KLHL13: variants seen among roughly 807,000 people sequenced by gnomAD.
The protein encoded by KLHL13 is kelch like family member 13.
KLHL13 carries 10 observed loss-of-function variants against 37.1 expected under a neutral mutation model. The ratio of observed to expected loss-of-function variants is 0.27; its 90% CI spans 0.17 to 0.46. The LOEUF (loss-of-function observed/expected upper bound fraction) is 0.46, where lower values mean the gene tolerates loss of function less well. Ranked by LOEUF, KLHL13 falls within the 20% of genes least tolerant of loss-of-function variation. KLHL13 has a pLI of 1.00. For missense variants in KLHL13, 360 were observed against 509.3 expected (o/e 0.71, Z 2.82); for synonymous variants, 163 against 181.2 (o/e 0.90, Z 0.81).
Position 117,909,685 on chromosome X carries a change from T to TA in KLHL13, c.981dup (p.Met328TyrfsTer9). 1 of 1,211,949 alleles carries TA rather than the reference T, an allele frequency of 8.3e-7. No homozygotes were observed. The highest frequency in any genetic ancestry group is 1.8e-5 in the South Asian group (1 of 57,001). ...CTAATGGCAGTCCTGTCTGACTGCA[T>TA]AACTGGCTGCATATATGGCATCATT... On this transcript the variant is annotated frameshift_variant, in exon 5 of 7. Transcript: ENST00000262820. LOFTEE classifies it high-confidence loss of function.
In KLHL13 at chrX:118,058,470, C is replaced by A. The variant is rs140398990; in HGVS notation, c.-56+58038G>T. Among the ~76,000 whole-genome samples the A allele has an allele frequency of 8.1e-3, 903 of 111,564 alleles. 14 individuals are homozygous for A. Among genetic ancestry groups the A allele is most frequent in the African/African-American group, 0.027 (832 of 30,726 alleles). On this transcript the variant is annotated intron_variant, in intron 1 of 6. Transcript: ENST00000371882. ...CTTTCATAGTTCTCCACTCTTAAATCCATGGCTAGCGTCTTGATCTTTCAA... is the reference window on the plus strand; with the variant it reads ...CTTTCATAGTTCTCCACTCTTAAATACATGGCTAGCGTCTTGATCTTTCAA...
intron 1 of KLHL13, among the ~76,000 whole-genome samples, chrX:118,011,865 G>C (rs1484415846): frequency 8.9e-6 from 1 of 112,490 alleles, no homozygotes; most frequent in Non-Finnish European, 1.9e-5. Flanking sequence ...TTTCAGTGCA[G>C]TGGGATTATA....
rs771854232 is a variant in KLHL13 at position 117,952,330 on chromosome X, C to T, written c.99-6755G>A. Among the ~76,000 whole-genome samples, 34 of 110,816 alleles carry T rather than the reference C, an allele frequency of 3.1e-4. No homozygotes were observed. The East Asian group carries it at 8.5e-3, about 28-fold the overall frequency. ...AGGATTCCCTATTTAATAAATGGTG[C>T]TGGGAAAACTGGCTAGCCATATGGA... On this transcript the variant is annotated intron_variant, in intron 1 of 6. Coordinates refer to ENST00000262820, the Ensembl canonical transcript of KLHL13.
chrX:118,065,572 G>A (rs1250857303), intron 1 of KLHL13, among the ~76,000 whole-genome samples: 1 of 111,704 alleles, frequency 9.0e-6, no homozygotes, highest in African/African-American at 3.3e-5. Context: ...CATATGCACA[G>A]AGAAATCAGA....
At chrX:118,105,290 T>C (rs950299763) in intron 1 of KLHL13, among the ~76,000 whole-genome samples, 2 of 112,536 alleles carry the variant, frequency 1.8e-5, no homozygotes, top group Non-Finnish European at 3.7e-5. Flanking sequence ...TGTTATATAA[T>C]GGCCTCTGTC....
At chrX:118,028,334 G>A (rs2054296481) in intron 1 of KLHL13, 90 bp downstream of exon 2, 1 of 544,425 alleles carries the variant, frequency 1.8e-6, no homozygotes, top group African/African-American at 2.3e-5. Context: ...TTTATACCAA[G>A]TATTCAACAA....
chrX:118,109,226 TTTAGACCA>T lies in KLHL13; in HGVS notation c.-56+7274_-56+7281del, dbSNP rs745576475. Among the ~76,000 whole-genome samples, 146 of 112,158 alleles carry T rather than the reference TTTAGACCA, an allele frequency of 1.3e-3. 1 individual carries two copies. The highest frequency in any genetic ancestry group is 4.7e-3 in the African/African-American group (144 of 30,901). On this transcript the variant is annotated intron_variant, in intron 1 of 6. Coordinates refer to the KLHL13 transcript ENST00000371882. ...TGTAAGAACTCAACACATGTTTAGATTTAGACCATTAGACCAAGGGTAACCAACATGTA... is the reference window on the plus strand; with the variant it reads ...TGTAAGAACTCAACACATGTTTAGATTTAGACCAAGGGTAACCAACATGTA...
At chrX:118,053,802 A>AGAGAGAGAGAGAGGAGAG (rs1569304196) in intron 1 of KLHL13, among the ~76,000 whole-genome samples, 17 of 53,630 alleles carry the variant, frequency 3.2e-4, no homozygotes, top group African/African-American at 1.5e-3. Flanking sequence ...TGTGTGTGAG[A>AGAGAGAGAGAGAGGAGAG]GAGAGAGAGA....
intron 1 of KLHL13, among the ~76,000 whole-genome samples, chrX:118,019,880 G>T (rs1369420272): frequency 1.9e-5 from 2 of 103,964 alleles, no homozygotes; most frequent in Admixed American, 2.0e-4. Flanking sequence ...GTACCATGCT[G>T]TTTTGGTTAC....
chrX:118,097,410 C>A lies in KLHL13; in HGVS notation c.-56+19098G>T, dbSNP rs745379373. Among the ~76,000 whole-genome samples, 131 of 111,296 alleles carry A rather than the reference C, an allele frequency of 1.2e-3. 1 individual carries two copies. The highest frequency in any genetic ancestry group is 3.1e-3 in the African/African-American group (93 of 30,383). On this transcript the variant is annotated intron_variant, in intron 1 of 6. Transcript: ENST00000371882. ...CCTCTTCAAGGAGAACTACAAACCA[C>A]TGCTCAAGCAAATAAAAGAGGATAC...
intron 1 of KLHL13, among the ~76,000 whole-genome samples, chrX:118,034,417 A>G (rs1243023465): frequency 2.1e-5 from 2 of 94,501 alleles, no homozygotes; most frequent in Non-Finnish European, 4.1e-5. Flanking sequence ...CAATCAAACT[A>G]GAACTCAGGA....
At chrX:118,106,736 T>C (rs1338387829) in intron 1 of KLHL13, among the ~76,000 whole-genome samples, 2 of 111,915 alleles carry the variant, frequency 1.8e-5, no homozygotes, top group Non-Finnish European at 3.8e-5. Flanking sequence ...AAGGGCATCA[T>C]GTAAGAAAGT....
chrX:118,028,489 G>A (rs1472752076), intron 1 of KLHL13: 2 of 1,058,339 alleles, frequency 1.9e-6, no homozygotes, highest in Non-Finnish European at 2.5e-6. Context: ...CTAAAAGTTG[G>A]ATAATGACCT....
chrX:118,016,392 T>C (rs1008905516), intron 1 of KLHL13, among the ~76,000 whole-genome samples: 1 of 111,697 alleles, frequency 9.0e-6, no homozygotes, highest in Non-Finnish European at 1.9e-5. Flanking sequence ...TCTTAAAGAC[T>C]GTCACTTAAT....
chrX:118,087,769 T>C (rs2055072145), intron 1 of KLHL13, among the ~76,000 whole-genome samples: 1 of 111,690 alleles, frequency 9.0e-6, no homozygotes, highest in African/African-American at 3.3e-5. Flanking sequence ...GTAGACTCTT[T>C]GAGGGCAGCT....
At chrX:117,985,506 A>AG (rs2053714167) in intron 1 of KLHL13, 12 of 287,086 alleles carry the variant, frequency 4.2e-5, no homozygotes, top group Non-Finnish European at 5.6e-5. Context: ...AATTGTAGTC[A>AG]GTGTAGTTGA....
chrX:117,908,331 TTTGCTGCACCCA>T (rs1930702214), intron 5 of KLHL13, among the ~76,000 whole-genome samples: 1 of 108,874 alleles, frequency 9.2e-6, no homozygotes, highest in Non-Finnish European at 1.9e-5. Flanking sequence ...GCCATGGTGG[TTTGCTGCACCCA>T]TCAACCTGTC....
chrX:118,007,614 G>C (rs1469063227), intron 1 of KLHL13, among the ~76,000 whole-genome samples: 1 of 111,384 alleles, frequency 9.0e-6, no homozygotes, highest in Non-Finnish European at 1.9e-5. Context: ...GTCACTAGAG[G>C]ATTTTATTCT....
rs750897113 is a variant in KLHL13, at chrX:118,020,596, G to A, written c.-55-75021C>T. Among the ~76,000 whole-genome samples, 490 of 110,763 alleles carry A rather than the reference G, an allele frequency of 4.4e-3. 3 individuals carry two copies. Among genetic ancestry groups the A allele is most frequent in the Admixed American group, 5.6e-3 (58 of 10,370 alleles). On this transcript the variant is annotated intron_variant, in intron 1 of 6. Transcript: ENST00000371882. ...GAAGTCAGAGTGGCGATTCCTCAGG[G>A]ATCTAGAACTAGAAATACCATTTGA...
Sources: gnomAD v4.1 joint callset for allele counts (sites outside exome capture counted in the v4.1 genomes callset) on GRCh38, gnomAD v4.1.1 for gene constraint, MANE v1.5 for transcripts, NCBI Gene and HGNC (gene_info 2026-07-23, HGNC 2026-07-21) for gene names.